The following DNAJC1 variants were observed in gnomAD, a reference collection of about 807,000 sequenced individuals.
DNAJC1 encodes DnaJ heat shock protein family (Hsp40) member C1, also known as dnaJ homolog subfamily C member 1.
DNAJC1 carries 58 observed loss-of-function variants against 76.6 expected under a neutral mutation model. The ratio of observed to expected loss-of-function variants is 0.76; its 90% CI spans 0.61 to 0.94. The LOEUF is 0.94. Ranked by LOEUF, DNAJC1 falls within the 40% of genes least tolerant of loss-of-function variation. The pLI is 0.00. For missense variants in DNAJC1, 689 were observed against 677.3 expected (o/e 1.02, Z -0.19); for synonymous variants, 258 against 267.9 (o/e 0.96, Z 0.36).
At chr10:21,851,061 G>C (rs997873559) in intron 8 of DNAJC1, among the ~76,000 whole-genome samples, 3 of 152,104 alleles carry the variant, frequency 2.0e-5, no homozygotes, top group Non-Finnish European at 1.5e-5. Flanking sequence ...AAAATTCATA[G>C]AAGAAAGCAT....
chr10:21,885,895 A>G (rs1836359999), intron 7 of DNAJC1, among the ~76,000 whole-genome samples: 1 of 152,168 alleles, frequency 6.6e-6, no homozygotes, highest in Non-Finnish European at 1.5e-5. Flanking sequence ...AAAGATCTCA[A>G]ATTAACAACC....
chr10:21,908,704 GCTTA>G (rs1202792466), intron 6 of DNAJC1, among the ~76,000 whole-genome samples: 3 of 151,864 alleles, frequency 2.0e-5, no homozygotes, highest in African/African-American at 7.3e-5. Context: ...ATAATTAAAT[GCTTA>G]CTTCAATTGA....
chr10:21,842,778 AAATT>A (rs1835594474), intron 8 of DNAJC1, among the ~76,000 whole-genome samples: 1 of 152,222 alleles, frequency 6.6e-6, no homozygotes, highest in South Asian at 2.1e-4. Context: ...GTCTCTAATA[AAATT>A]AATAGTCTAA....
At chr10:21,817,853 C>CA (rs1388938451) in intron 8 of DNAJC1, among the ~76,000 whole-genome samples, 2 of 152,190 alleles carry the variant, frequency 1.3e-5, no homozygotes, top group African/African-American at 4.8e-5. Context: ...CTTCCCCAAT[C>CA]AATACCCTTG....
chr10:21,953,404 A>C (rs1837628294), intron 1 of DNAJC1, among the ~76,000 whole-genome samples: 1 of 152,062 alleles, frequency 6.6e-6, no homozygotes. Flanking sequence ...AACAAATATT[A>C]ATAATGATTT....
chr10:21,999,612 G>A (rs1406889376), intron 1 of DNAJC1, among the ~76,000 whole-genome samples: 4 of 151,754 alleles, frequency 2.6e-5, no homozygotes, highest in East Asian at 1.9e-4. Context: ...CTGCCACCAC[G>A]CCTGGCTAAT....
intron 1 of DNAJC1, among the ~76,000 whole-genome samples, chr10:21,965,913 C>G (rs909556498): frequency 6.6e-6 from 1 of 152,206 alleles, no homozygotes; most frequent in East Asian, 1.9e-4. Context: ...CTCATGGGGT[C>G]TGGATCAGGT....
intron 1 of DNAJC1, among the ~76,000 whole-genome samples, chr10:21,964,929 T>C (rs1837866397): frequency 6.6e-6 from 1 of 152,200 alleles, no homozygotes; most frequent in South Asian, 2.1e-4. Flanking sequence ...CTTTTCTCTT[T>C]GACTGTTTTC....
At chr10:21,859,323 C>A (rs1031540298) in intron 8 of DNAJC1, among the ~76,000 whole-genome samples, 19 of 152,124 alleles carry the variant, frequency 1.2e-4, no homozygotes, top group Non-Finnish European at 4.4e-5. Flanking sequence ...AAATTAAACA[C>A]AGCACAATGT....
At chr10:21,771,240 T>C (rs1010924311) in intron 9 of DNAJC1, among the ~76,000 whole-genome samples, 18 of 152,184 alleles carry the variant, frequency 1.2e-4, no homozygotes, top group East Asian at 7.7e-4. Flanking sequence ...CATCTGCAAA[T>C]AGATAATTTT....
chr10:21,838,043 G>T (rs1299243929), intron 8 of DNAJC1, among the ~76,000 whole-genome samples: 6 of 151,176 alleles, frequency 4.0e-5, no homozygotes, highest in African/African-American at 1.5e-4. Context: ...CCGTCCGGGA[G>T]GTGGGGGGCG....
intron 1 of DNAJC1, among the ~76,000 whole-genome samples, chr10:21,960,697 A>T (rs928423331): frequency 2.0e-5 from 3 of 152,210 alleles, no homozygotes; most frequent in Non-Finnish European, 2.9e-5. Context: ...CCTCCAAACA[A>T]ACAGTGAAAA....
rs1012899431 is a variant in DNAJC1 at position 21,882,396 on chromosome 10, G to A, written c.864C>T (p.Tyr288=). The A allele has an allele frequency of 9.1e-6, 14 of 1,540,594 alleles. No individual in the cohort carries two copies. The highest frequency in any genetic ancestry group is 1.2e-5 in the Non-Finnish European group (14 of 1,151,152). ...GAATATATGTAGTTTCTAAAGGTGTGTATACAGGAAATTCAGGTTTTGGTT... is the reference window on the plus strand; with the variant it reads ...GAATATATGTAGTTTCTAAAGGTGTATATACAGGAAATTCAGGTTTTGGTT... The part of the protein sequence containing the change: ...VKKPKPEFPV[Y]TPLETTYIQS... The change falls in exon 8 of 12, where the codon TAC becomes TAT. Residue 288 remains tyrosine (Y), a synonymous_variant. Coordinates refer to ENST00000376980, the MANE Select transcript of DNAJC1 (RefSeq NM_022365.4).
At chr10:21,999,962 C>G (rs1838491978) in intron 1 of DNAJC1, among the ~76,000 whole-genome samples, 1 of 152,156 alleles carries the variant, frequency 6.6e-6, no homozygotes, top group Admixed American at 6.5e-5. Flanking sequence ...CATACCAGCT[C>G]AACTTCAACG....
intron 1 of DNAJC1, among the ~76,000 whole-genome samples, chr10:21,988,728 A>G (rs1838285352): frequency 6.6e-6 from 1 of 152,138 alleles, no homozygotes; most frequent in African/African-American, 2.4e-5. Context: ...AACAAATGTT[A>G]TTTACCCCAG....
intron 8 of DNAJC1, among the ~76,000 whole-genome samples, chr10:21,819,238 T>C (rs946283203): frequency 6.6e-6 from 1 of 151,902 alleles, no homozygotes; most frequent in East Asian, 1.9e-4. Context: ...CCATCTCTAC[T>C]AAAAATACAA....
intron 9 of DNAJC1, among the ~76,000 whole-genome samples, chr10:21,773,815 T>A (rs1345510055): frequency 2.0e-5 from 3 of 151,990 alleles, no homozygotes; most frequent in Non-Finnish European, 4.4e-5. Context: ...TTTTTTTTTT[T>A]TTTTGCTATA....
At chr10:21,769,122 C>G (rs188826705) in intron 9 of DNAJC1, among the ~76,000 whole-genome samples, 9 of 152,156 alleles carry the variant, frequency 5.9e-5, no homozygotes, top group Non-Finnish European at 1.0e-4. Flanking sequence ...ACATTCTACC[C>G]TTGCCATTCA....
chr10:21,915,453 G>A (rs1836937212), intron 6 of DNAJC1, among the ~76,000 whole-genome samples: 1 of 152,178 alleles, frequency 6.6e-6, no homozygotes, highest in Admixed American at 6.5e-5. Context: ...TCACTTGCTG[G>A]AAGCCTCTGA....
Sources: gnomAD v4.1 joint callset for allele counts (sites outside exome capture counted in the v4.1 genomes callset) on GRCh38, gnomAD v4.1.1 for gene constraint, MANE v1.5 for transcripts, NCBI Gene and HGNC (gene_info 2026-07-23, HGNC 2026-07-21) for gene names.